The following ATRNL1 variants were observed in gnomAD, a reference collection of about 807,000 sequenced individuals.
ATRNL1 encodes the protein attractin-like protein 1.
In ATRNL1, 95 loss-of-function variants were observed where a neutral mutation model predicts 182.7. That is an observed-to-expected ratio of 0.52 (90% confidence interval 0.44 to 0.62). The LOEUF is 0.62. ATRNL1 is among the 20% of genes least tolerant of loss of function. The probability of loss-of-function intolerance (pLI) is 0.00; values close to 1 mark genes in which losing one functional copy is unlikely to be tolerated. For missense variants in ATRNL1, 1,471 were observed against 1,679.5 expected (o/e 0.88, Z 2.17); for synonymous variants, 576 against 568.3 (o/e 1.01, Z -0.19).
intron 9 of ATRNL1, among the ~76,000 whole-genome samples, chr10:115,241,066 C>T (rs1256902544): frequency 6.6e-6 from 1 of 151,766 alleles, no homozygotes; most frequent in East Asian, 1.9e-4. Context: ...TAGTTGTGTT[C>T]ATGTTGTGAA....
At chr10:115,177,303 G>A (rs114355679) in intron 8 of ATRNL1, among the ~76,000 whole-genome samples, 1,784 of 152,244 alleles carry the variant, frequency 0.012, 34 homozygotes, top group African/African-American at 0.04. Flanking sequence ...GGGAATGAGA[G>A]AAGTAGAAGT....
At chr10:115,230,427 T>C (rs2144513793) in intron 9 of ATRNL1, among the ~76,000 whole-genome samples, 1 of 152,228 alleles carries the variant, frequency 6.6e-6, no homozygotes, top group South Asian at 2.1e-4. Flanking sequence ...GTCCAGCTAG[T>C]GCAAAAGCCT....
chr10:115,281,612 T>C, intron 14 of ATRNL1, 125 bp downstream of exon 14: 1 of 937,624 alleles, frequency 1.1e-6, no homozygotes, highest in South Asian at 1.8e-5. Flanking sequence ...CAACCTATAA[T>C]ATTGTAGTAC....
chr10:115,469,436 C>T (rs12770375), intron 24 of ATRNL1, 107 bp downstream of exon 24: 135,872 of 632,440 alleles, frequency 0.21, 15,536 homozygotes, highest in South Asian at 0.25. Flanking sequence ...TTGACTAATA[C>T]AAAAACATGC....
intron 26 of ATRNL1, among the ~76,000 whole-genome samples, chr10:115,559,443 T>TGTGTGCGCGCGCGC (rs200694810): frequency 1.3e-5 from 1 of 77,788 alleles, no homozygotes; most frequent in Non-Finnish European, 3.2e-5. Flanking sequence ...TGTGTGTGTG[T>TGTGTGCGCGCGCGC]GCGCGCGCGC....
chr10:115,768,616 C>T (rs1340585466), intron 27 of ATRNL1, among the ~76,000 whole-genome samples: 7 of 152,098 alleles, frequency 4.6e-5, no homozygotes, highest in South Asian at 2.1e-4. Context: ...AGCAACTCCA[C>T]GCCGTGAACA....
intron 26 of ATRNL1, among the ~76,000 whole-genome samples, chr10:115,658,138 C>T (rs566659581): frequency 1.5e-5 from 2 of 131,574 alleles, no homozygotes; most frequent in South Asian, 4.9e-4. Flanking sequence ...CTCTGTCGCC[C>T]AGGCTGGAGT....
At chr10:115,149,481 A>G (rs1056794581) in intron 5 of ATRNL1, among the ~76,000 whole-genome samples, 2 of 151,952 alleles carry the variant, frequency 1.3e-5, no homozygotes, top group Non-Finnish European at 2.9e-5. Context: ...GGTTTGTCGT[A>G]TATGTCCTTT....
At chr10:115,126,961 GTGTGCTTATGGGCTTA>G (rs1845001346) in intron 3 of ATRNL1, among the ~76,000 whole-genome samples, 1 of 152,020 alleles carries the variant, frequency 6.6e-6, no homozygotes, top group South Asian at 2.1e-4. Context: ...GTTTTTGTTT[GTGTGCTTATGGGCTTA>G]TGTGAGCAAT....
intron 24 of ATRNL1, among the ~76,000 whole-genome samples, chr10:115,478,499 A>T (rs1554973557): frequency 6.6e-6 from 1 of 151,698 alleles, no homozygotes; most frequent in African/African-American, 2.4e-5. Context: ...TGCTTCTTTT[A>T]GGCCAGTTAT....
chr10:115,522,214 TA>T lies in ATRNL1; in HGVS notation c.3716+2895del, dbSNP rs563289529. On this transcript the variant is annotated intron_variant, in intron 25 of 28. Coordinates refer to ENST00000355044, the MANE Select transcript of ATRNL1 (RefSeq NM_207303.4). ...GGAATACCTAAGGCTGGGTAATTTA[TA>T]AAAAGAGGTTTATTTGGCTCACAGT... is the stretch of plus-strand genomic sequence containing the variant. 1.2e-4 allele frequency among the ~76,000 whole-genome samples: 18 copies of T among 152,300 alleles called. No homozygotes were observed. In the East Asian group the frequency reaches 3.3e-3, roughly 28 times the overall value.
At chr10:115,208,004 A>T (rs1320953187) in intron 8 of ATRNL1, among the ~76,000 whole-genome samples, 4 of 152,036 alleles carry the variant, frequency 2.6e-5, no homozygotes, top group Non-Finnish European at 5.9e-5. Context: ...TGATATTGTT[A>T]TCCAGGTTTT....
chr10:115,356,502 A>G (rs919908540), intron 19 of ATRNL1, among the ~76,000 whole-genome samples: 1 of 152,100 alleles, frequency 6.6e-6, no homozygotes, highest in South Asian at 2.1e-4. Flanking sequence ...AGGTGAGGAG[A>G]ACTGAGGCTA....
chr10:115,220,041 G>A (rs1454034774), intron 9 of ATRNL1, among the ~76,000 whole-genome samples: 6 of 152,154 alleles, frequency 3.9e-5, no homozygotes, highest in African/African-American at 1.4e-4. Context: ...TGCTTACCAA[G>A]GTGACTTATT....
At chr10:115,204,418 G>A (rs1848720242) in intron 8 of ATRNL1, among the ~76,000 whole-genome samples, 1 of 151,916 alleles carries the variant, frequency 6.6e-6, no homozygotes. Context: ...TGTTGGATGT[G>A]GACTTGTCAT....
intron 26 of ATRNL1, among the ~76,000 whole-genome samples, chr10:115,688,697 A>G (rs1946296882): frequency 6.6e-6 from 1 of 151,904 alleles, no homozygotes; most frequent in African/African-American, 2.4e-5. Flanking sequence ...AGTTCCTTAT[A>G]TATTCTGTAT....
chr10:115,316,943 CTT>C (rs1173152525), intron 18 of ATRNL1, among the ~76,000 whole-genome samples: 2 of 152,116 alleles, frequency 1.3e-5, no homozygotes, highest in Admixed American at 6.6e-5. Flanking sequence ...TCAATTTTGA[CTT>C]TTGTTGCAGC....
chr10:115,656,276 A>G (rs1015293281), intron 26 of ATRNL1, among the ~76,000 whole-genome samples: 4 of 152,170 alleles, frequency 2.6e-5, no homozygotes, highest in Admixed American at 6.5e-5. Context: ...TTTTCATTCA[A>G]TGTTGTTTTG....
intron 26 of ATRNL1, among the ~76,000 whole-genome samples, chr10:115,656,302 G>GA (rs370387052): frequency 6.6e-6 from 1 of 152,040 alleles, no homozygotes; most frequent in Non-Finnish European, 1.5e-5. Flanking sequence ...ATATTAAAGA[G>GA]AAAAAAATAC....
Sources: allele counts gnomAD v4.1 joint callset (sites outside exome capture counted in the v4.1 genomes callset), GRCh38; gene constraint gnomAD v4.1.1; transcripts MANE v1.5; gene names NCBI Gene and HGNC (gene_info 2026-07-23, HGNC 2026-07-21).